LYPD1: variants seen among roughly 807,000 people sequenced by gnomAD.
LYPD1 encodes LY6/PLAUR domain containing 1.
LYPD1 carries 14 observed loss-of-function variants against 14.2 expected under a neutral mutation model. The observed-to-expected ratio is 0.99, with a 90% CI of 0.65 to 1.54. LYPD1 has a LOEUF of 1.54. Ranked by LOEUF, LYPD1 falls within the 40% of genes most tolerant of loss-of-function variation. LYPD1 has a pLI of 0.00. For synonymous variants in LYPD1, 85 were observed against 70.6 expected, an observed-to-expected ratio of 1.20 and a Z score of -1.02; for missense variants, 165 against 175.7, an observed-to-expected ratio of 0.94 and a Z score of 0.34.
intron 2 of LYPD1, among the ~76,000 whole-genome samples, chr2:132,655,800 C>A (rs1349569580): frequency 6.6e-6 from 1 of 152,170 alleles, no homozygotes; most frequent in African/African-American, 2.4e-5. Flanking sequence ...AGGCGTGAGC[C>A]ACCGCACCTG....
intron 2 of LYPD1, among the ~76,000 whole-genome samples, chr2:132,650,900 G>T (rs556821211): frequency 1.3e-5 from 2 of 152,180 alleles, no homozygotes; most frequent in African/African-American, 2.4e-5. Flanking sequence ...TTTGCTTAGG[G>T]TCCATTCAGG....
At chr2:132,655,714 T>C (rs1203071317) in intron 2 of LYPD1, among the ~76,000 whole-genome samples, 1 of 151,686 alleles carries the variant, frequency 6.6e-6, no homozygotes, top group African/African-American at 2.4e-5. Flanking sequence ...TGGGGTTTCA[T>C]CGTGTTAGCC....
At chr2:132,664,842 A>C (rs910665514) in intron 2 of LYPD1, among the ~76,000 whole-genome samples, 4 of 152,242 alleles carry the variant, frequency 2.6e-5, no homozygotes, top group African/African-American at 9.6e-5. Context: ...GGGGGCTTCT[A>C]TTCTGAAATG....
intron 2 of LYPD1, among the ~76,000 whole-genome samples, chr2:132,653,742 T>G (rs1682440123): frequency 6.6e-6 from 1 of 152,190 alleles, no homozygotes; most frequent in South Asian, 2.1e-4. Context: ...GCGATCAAAG[T>G]TAACATCACC....
At chr2:132,668,645 C>A (rs1683432293) in intron 1 of LYPD1, 108 bp from the exon 2 acceptor site, 2 of 1,467,172 alleles carry the variant, frequency 1.4e-6, no homozygotes, top group African/African-American at 1.4e-5. Context: ...CTCTGGCAGG[C>A]TTAGACCACT....
At chr2:132,670,328 C>A (rs1683619246), upstream of LYPD1, 15 of 259,302 alleles carry the variant, frequency 5.8e-5, no homozygotes, top group South Asian at 6.2e-4. This position sits in a 1 kb window ranked among gnomAD's most constrained non-coding sequence, Gnocchi z 4.5. Flanking sequence ...CTGGGACGGT[C>A]GCTTCACATC....
Position 132,645,232 on chromosome 2 carries a change from G to A in LYPD1, c.*813C>T. The A allele has an allele frequency of 6.2e-7, 1 of 1,614,162 alleles. No individual in the cohort carries two copies. Among genetic ancestry groups the A allele is most frequent in the Non-Finnish European group, 8.5e-7 (1 of 1,180,034 alleles). On this transcript the variant is annotated 3_prime_UTR_variant, in exon 3 of 3. Coordinates refer to ENST00000397463, the MANE Select transcript of LYPD1 (RefSeq NM_144586.7). The stretch of plus-strand genomic sequence containing the variant: ...GTACATGATCCTCCTCCCCTTCTCG[G>A]AGACGTTTTTCTACCTCAGCTCGGT...
rs767550440 is a variant in LYPD1 at position 132,645,199 on chromosome 2, T to C, written c.*846A>G. ...CAAGCACGACTGGACGAGGTCCTAC[T>C]TCCGGGCGTACATGATCCTCCTCCC... is the stretch of plus-strand genomic sequence containing the variant. On this transcript the variant is annotated 3_prime_UTR_variant, in exon 3 of 3. Transcript: ENST00000397463. 22 of 1,614,070 alleles carry C rather than the reference T, an allele frequency of 1.4e-5. No homozygotes were observed. Among genetic ancestry groups the C allele is most frequent in the Non-Finnish European group, 1.9e-5 (22 of 1,180,042 alleles).
At chr2:132,656,375 C>G (rs563294130) in intron 2 of LYPD1, among the ~76,000 whole-genome samples, 1 of 152,154 alleles carries the variant, frequency 6.6e-6, no homozygotes, top group Non-Finnish European at 1.5e-5. Context: ...ACCATAGTTA[C>G]GATTACATCA....
chr2:132,652,868 G>A (rs1357695364), intron 2 of LYPD1, among the ~76,000 whole-genome samples: 3 of 152,176 alleles, frequency 2.0e-5, no homozygotes, highest in Non-Finnish European at 4.4e-5. Flanking sequence ...GAAGTCATTT[G>A]TATTAATCTG....
intron 2 of LYPD1, among the ~76,000 whole-genome samples, chr2:132,647,125 C>G (rs1488641634): frequency 6.6e-6 from 1 of 152,200 alleles, no homozygotes; most frequent in Non-Finnish European, 1.5e-5. Context: ...CTGTCTGTCT[C>G]CCAGGCACTA....
chr2:132,666,845 A>G (rs909046713), intron 2 of LYPD1: 13 of 152,238 alleles, frequency 8.5e-5, no homozygotes, highest in African/African-American at 3.1e-4. Context: ...AGGTGATAAA[A>G]TATGACACCC....
chr2:132,651,628 T>C (rs76772585), intron 2 of LYPD1, among the ~76,000 whole-genome samples: 4,259 of 152,314 alleles, frequency 0.028, 203 homozygotes, highest in African/African-American at 0.096. Flanking sequence ...GAAAGGTACA[T>C]TTATACTATA....
intron 2 of LYPD1, among the ~76,000 whole-genome samples, chr2:132,659,309 A>AGT (rs761209735): frequency 1.4e-4 from 21 of 151,996 alleles, no homozygotes; most frequent in Middle Eastern, 3.2e-3. Context: ...CATACCAGTG[A>AGT]GTGTGTGTGT....
At chr2:132,646,312 C>G (rs755813417) in intron 2 of LYPD1, 32 bp from the exon 3 acceptor site, 2 of 1,373,968 alleles carry the variant, frequency 1.5e-6, no homozygotes, top group Non-Finnish European at 9.6e-7. Context: ...GCTGAGTTAA[C>G]GTGCACCGGC....
At chr2:132,647,930 T>C (rs1477737794) in intron 2 of LYPD1, among the ~76,000 whole-genome samples, 1 of 151,786 alleles carries the variant, frequency 6.6e-6, no homozygotes, top group Non-Finnish European at 1.5e-5. Context: ...ACTTTAGATT[T>C]ACCGTAAAAC....
intron 2 of LYPD1, among the ~76,000 whole-genome samples, chr2:132,654,970 G>A (rs145943819): frequency 0.011 from 1,717 of 151,996 alleles, 37 homozygotes; most frequent in African/African-American, 0.037. Flanking sequence ...CGATGGTCTC[G>A]ATCTCCTGAC....
At position 132,645,068 on chromosome 2, in the gene LYPD1, C is replaced by G. The variant is rs1194182130; in HGVS notation, c.*977G>C. The G allele has an allele frequency of 6.3e-7, 1 of 1,576,624 alleles. No homozygotes were observed. Among genetic ancestry groups the G allele is most frequent in the Non-Finnish European group, 8.6e-7 (1 of 1,161,296 alleles). On this transcript the variant is annotated 3_prime_UTR_variant, in exon 3 of 3. Coordinates refer to ENST00000397463, the MANE Select transcript of LYPD1 (RefSeq NM_144586.7). The stretch of plus-strand genomic sequence containing the variant: ...TGTTCTCATGCTGTGTTTTTCTTTT[C>G]TCTGTCTCTCCCTCCTGCTCGTGTC...
intron 1 of LYPD1, 151 bp from the exon 2 acceptor site, chr2:132,668,688 A>T (rs549718670): frequency 2.6e-6 from 3 of 1,175,474 alleles, no homozygotes; most frequent in African/African-American, 3.2e-5. Context: ...GATGTGGCTG[A>T]CACCGGCAGG....
Sources: gnomAD v4.1 joint callset for allele counts (sites outside exome capture counted in the v4.1 genomes callset) on GRCh38, gnomAD v4.1.1 for gene constraint, Gnocchi (gnomAD v3.1) non-coding constraint, MANE v1.5 for transcripts, NCBI Gene and HGNC (gene_info 2026-07-23, HGNC 2026-07-21) for gene names.